Variants in MEGF11 observed in about 807,000 individuals in gnomAD.
MEGF11 encodes multiple EGF like domains 11.
MEGF11 carries 126 observed loss-of-function variants against 146.6 expected under a neutral mutation model. That is an observed-to-expected ratio of 0.86 (90% CI 0.74 to 1.00). The LOEUF (loss-of-function observed/expected upper bound fraction) is 1.00. Among genes scored for constraint, MEGF11 ranks in the 50% least tolerant of loss-of-function variants. The probability of loss-of-function intolerance (pLI) is 0.00; values close to 1 mark genes in which losing one functional copy is unlikely to be tolerated. For synonymous variants in MEGF11, 532 were observed against 583.4 expected, an observed-to-expected ratio of 0.91 and a Z score of 1.27; for missense variants, 1,509 against 1,521.2, an observed-to-expected ratio of 0.99 and a Z score of 0.13.
At chr15:66,190,563 G>A (rs2090841598) in intron 1 of MEGF11, among the ~76,000 whole-genome samples, 1 of 152,148 alleles carries the variant, frequency 6.6e-6, no homozygotes. Context: ...AGGTAGAAAG[G>A]GAAAGGAGTG....
chr15:66,018,850 C>T (rs1041630642), intron 5 of MEGF11, among the ~76,000 whole-genome samples: 1 of 152,076 alleles, frequency 6.6e-6, no homozygotes, highest in Non-Finnish European at 1.5e-5. Flanking sequence ...GGCCAGAGGC[C>T]GGGAAGCCAG....
At chr15:66,084,696 C>T (rs537463237) in intron 5 of MEGF11, among the ~76,000 whole-genome samples, 52 of 152,156 alleles carry the variant, frequency 3.4e-4, no homozygotes, top group Admixed American at 2.1e-3. Flanking sequence ...CACAGGGATC[C>T]ATCAGGAGGG....
At chr15:66,082,672 C>CAAAA (rs71139462) in intron 5 of MEGF11, among the ~76,000 whole-genome samples, 2 of 39,150 alleles carry the variant, frequency 5.1e-5, no homozygotes, top group African/African-American at 2.2e-4. Context: ...GACTCTGTCT[C>CAAAA]AAAAAAAAAA....
At chr15:66,066,234 C>A (rs747062732) in intron 5 of MEGF11, among the ~76,000 whole-genome samples, 3 of 152,188 alleles carry the variant, frequency 2.0e-5, no homozygotes, top group Admixed American at 6.5e-5. Flanking sequence ...GCAGGGTAGG[C>A]AAGAGGAGGC....
chr15:65,916,870 A>G lies in MEGF11; in HGVS notation c.2173T>C (p.Cys725Arg). ...GASCSAEDGA[C>R]HCTPGWTGLF... The stretch of plus-strand genomic sequence containing the variant: ...CCAGTCCAGCCAGGGGTGCAGTGGC[A>G]GGCCCCGTCCTCGGCGCTGCAGCTC... The change falls in exon 17 of 26, where the codon TGC becomes CGC. Residue 725 changes from cysteine (C) to arginine (R), a missense_variant. By Grantham distance (180) the Cys-to-Arg change is radical. Coordinates refer to ENST00000395614, the MANE Select transcript of MEGF11 (RefSeq NM_001385028.1). 8 of 1,596,650 alleles carry G rather than the reference A, an allele frequency of 5.0e-6. No individual in the cohort carries two copies. Among genetic ancestry groups the G allele is most frequent in the Non-Finnish European group, 6.8e-6 (8 of 1,170,258 alleles).
intron 7 of MEGF11, among the ~76,000 whole-genome samples, chr15:65,977,713 T>A (rs1567186186): frequency 6.6e-6 from 1 of 152,054 alleles, no homozygotes. Flanking sequence ...CTAGGATAAC[T>A]GGTCCTATTT....
intron 5 of MEGF11, among the ~76,000 whole-genome samples, chr15:66,030,568 C>A (rs1472579403): frequency 6.6e-6 from 1 of 152,156 alleles, no homozygotes; most frequent in African/African-American, 2.4e-5. Context: ...CACCACCACG[C>A]CCAGCTAATT....
intron 24 of MEGF11, among the ~76,000 whole-genome samples, chr15:65,899,459 C>G (rs574680056): frequency 1.2e-4 from 19 of 152,342 alleles, no homozygotes; most frequent in Admixed American, 2.0e-4. Flanking sequence ...TCTCCCGCCT[C>G]AGCCTCCTGA....
At chr15:66,185,775 G>A (rs2090679641) in intron 1 of MEGF11, among the ~76,000 whole-genome samples, 1 of 152,194 alleles carries the variant, frequency 6.6e-6, no homozygotes. Context: ...AACACCAGAA[G>A]CAGAGCCAGG....
intron 1 of MEGF11, among the ~76,000 whole-genome samples, chr15:66,223,718 G>C (rs1357430303): frequency 6.6e-6 from 1 of 152,102 alleles, no homozygotes; most frequent in Non-Finnish European, 1.5e-5. Context: ...GCAAGGCTCA[G>C]TCTCAAAAAA....
intron 1 of MEGF11, among the ~76,000 whole-genome samples, chr15:66,182,088 C>T (rs2090564562): frequency 6.6e-6 from 1 of 152,176 alleles, no homozygotes; most frequent in Non-Finnish European, 1.5e-5. Flanking sequence ...CCATATTTCC[C>T]AGCCTCCTCC....
chr15:65,908,642 T>C (rs962377617), intron 23 of MEGF11, among the ~76,000 whole-genome samples: 2 of 152,194 alleles, frequency 1.3e-5, no homozygotes, highest in African/African-American at 2.4e-5. Context: ...CATTGGACTT[T>C]ATTGGCCAGA....
intron 5 of MEGF11, among the ~76,000 whole-genome samples, chr15:66,061,463 T>C: frequency 6.6e-6 from 1 of 152,112 alleles, no homozygotes; most frequent in South Asian, 2.1e-4. Flanking sequence ...GCTCCAGGCA[T>C]GGGGAGATGC....
chr15:66,010,602 A>G (rs910625171), intron 5 of MEGF11, among the ~76,000 whole-genome samples: 1 of 152,232 alleles, frequency 6.6e-6, no homozygotes, highest in African/African-American at 2.4e-5. Flanking sequence ...TCTATTGAAT[A>G]GAGTGCAGGG....
intron 1 of MEGF11, among the ~76,000 whole-genome samples, chr15:66,148,952 T>C (rs1016078438): frequency 5.3e-5 from 8 of 152,110 alleles, no homozygotes; most frequent in Admixed American, 2.0e-4. Context: ...GCCAACCACC[T>C]CACCATTTGG....
intron 10 of MEGF11, among the ~76,000 whole-genome samples, chr15:65,943,677 A>G (rs1482539019): frequency 1.3e-5 from 2 of 152,014 alleles, no homozygotes; most frequent in African/African-American, 2.4e-5. Flanking sequence ...TGAGTTTGGT[A>G]TGTGTGTGTG....
chr15:66,042,760 G>A lies in MEGF11; in HGVS notation c.394+51642C>T, dbSNP rs183920213. Among the ~76,000 whole-genome samples, 12 of 152,256 alleles carry A rather than the reference G, an allele frequency of 7.9e-5. No individual in the cohort carries two copies. In the East Asian group the frequency reaches 1.7e-3, roughly 22 times the overall value. On this transcript the variant is annotated intron_variant, in intron 5 of 25. Transcript: ENST00000395614. The stretch of plus-strand genomic sequence containing the variant: ...TGGCCGCTGCATAACTGCAGGCTCC[G>A]CTTTGGCCACCTCATGGGATCCCCC...
chr15:66,184,588 C>T, intron 1 of MEGF11, among the ~76,000 whole-genome samples: 1 of 151,554 alleles, frequency 6.6e-6, no homozygotes, highest in Admixed American at 6.6e-5. Context: ...TGCCCACCCC[C>T]TACCTTAAAA....
chr15:65,909,898 G>A (rs1188799538), intron 21 of MEGF11, 92 bp from the exon 22 acceptor site: 17 of 1,146,650 alleles, frequency 1.5e-5, no homozygotes, highest in Non-Finnish European at 2.1e-5. Context: ...CACACACCCT[G>A]TAATAATCCT....
Sources: gnomAD v4.1 joint callset for allele counts (sites outside exome capture counted in the v4.1 genomes callset) on GRCh38, gnomAD v4.1.1 for gene constraint, MANE v1.5 for transcripts, NCBI Gene and HGNC (gene_info 2026-07-23, HGNC 2026-07-21) for gene names.